ZNF385D: variants seen among roughly 807,000 people sequenced by gnomAD.
ZNF385D encodes zinc finger protein 659.
A neutral mutation model predicts 35.8 loss-of-function variants in ZNF385D; 15 were observed. That is an observed-to-expected ratio of 0.42 (90% confidence interval 0.28 to 0.64). The LOEUF (loss-of-function observed/expected upper bound fraction) is 0.64, where lower values mean the gene tolerates loss of function less well. Among genes scored for constraint, ZNF385D ranks in the 30% least tolerant of loss-of-function variants. The pLI is 0.23. For missense variants in ZNF385D, 474 were observed against 494.6 expected, an observed-to-expected ratio of 0.96 and a Z score of 0.39; for synonymous variants, 212 against 186.8, an observed-to-expected ratio of 1.13 and a Z score of -1.10.
chr3:22,298,537 A>C (rs1702730700), intron 2 of ZNF385D, among the ~76,000 whole-genome samples: 1 of 143,828 alleles, frequency 7.0e-6, no homozygotes, highest in African/African-American at 2.5e-5. Context: ...TATATACATA[A>C]AACATTTATG....
chr3:21,993,993 C>T (rs1695310049), intron 3 of ZNF385D, among the ~76,000 whole-genome samples: 3 of 152,292 alleles, frequency 2.0e-5, no homozygotes, highest in African/African-American at 7.2e-5. Flanking sequence ...TCACCAGTAC[C>T]TAATCTGGAG....
At chr3:22,122,521 T>G (rs1703144255) in intron 3 of ZNF385D, among the ~76,000 whole-genome samples, 1 of 152,186 alleles carries the variant, frequency 6.6e-6, no homozygotes, top group South Asian at 2.1e-4. Context: ...GTCAGAATCT[T>G]TTCTAGGTGC....
At chr3:21,838,061 T>C (rs1306707965) in intron 3 of ZNF385D, among the ~76,000 whole-genome samples, 1 of 152,078 alleles carries the variant, frequency 6.6e-6, no homozygotes, top group East Asian at 1.9e-4. Flanking sequence ...TAGATCTTCA[T>C]AACTGCACAT....
intron 2 of ZNF385D, among the ~76,000 whole-genome samples, chr3:21,574,674 TA>T (rs958168789): frequency 6.6e-6 from 1 of 152,072 alleles, no homozygotes; most frequent in Non-Finnish European, 1.5e-5. Flanking sequence ...TGAGAGGATT[TA>T]GGGGGTAACT....
intron 2 of ZNF385D, among the ~76,000 whole-genome samples, chr3:22,256,602 C>T (rs1344626761): frequency 6.6e-6 from 1 of 151,848 alleles, no homozygotes; most frequent in African/African-American, 2.4e-5. Flanking sequence ...AGTGATAAAT[C>T]ATCGTATCTG....
intron 3 of ZNF385D, among the ~76,000 whole-genome samples, chr3:21,992,760 A>G (rs986280242): frequency 6.6e-6 from 1 of 152,190 alleles, no homozygotes; most frequent in Non-Finnish European, 1.5e-5. Context: ...TGGCTGTTTC[A>G]TAATTGATTT....
intron 3 of ZNF385D, among the ~76,000 whole-genome samples, chr3:21,769,633 A>G (rs1265418651): frequency 8.3e-6 from 1 of 119,992 alleles, no homozygotes; most frequent in African/African-American, 3.5e-5. Flanking sequence ...GATAGGAAGA[A>G]TCAATATCAT....
At chr3:22,210,683 A>C (rs893271728) in intron 2 of ZNF385D, among the ~76,000 whole-genome samples, 1 of 151,928 alleles carries the variant, frequency 6.6e-6, no homozygotes, top group Non-Finnish European at 1.5e-5. Context: ...TTTTCAATAC[A>C]TGAAAGGTTC....
chr3:21,418,344 G>A lies in ZNF385D; in HGVS notation c.*2870C>T, dbSNP rs922952896. The A allele has an allele frequency of 2.0e-5, 3 of 152,128 alleles. No homozygotes were observed. Among genetic ancestry groups the A allele is most frequent in the Non-Finnish European group, 4.4e-5 (3 of 68,012 alleles). The allele number at this position is 152,128 out of a possible 1,614,324, so 9.4% of individuals were successfully genotyped here. A position where few individuals can be genotyped will look rare whatever the true frequency, so the allele number is the denominator to read the frequency against. ...AAAAGATACAGTTTTATGGCAGCCT[G>A]AACTATAATGGATGTTAATCTGGTA... On this transcript the variant is annotated 3_prime_UTR_variant, in exon 8 of 8. Transcript: ENST00000281523.
chr3:21,585,923 C>T (rs2063795761), intron 2 of ZNF385D, among the ~76,000 whole-genome samples: 1 of 152,128 alleles, frequency 6.6e-6, no homozygotes, highest in Non-Finnish European at 1.5e-5. Context: ...AGTCCTAGTA[C>T]TTTGAGAGGG....
intron 3 of ZNF385D, among the ~76,000 whole-genome samples, chr3:21,968,209 G>C (rs1316151462): frequency 1.3e-5 from 2 of 152,140 alleles, no homozygotes; most frequent in African/African-American, 2.4e-5. Context: ...CACGGAGGGA[G>C]CATTTAGACC....
At chr3:22,152,786 G>A (rs904229963) in intron 3 of ZNF385D, among the ~76,000 whole-genome samples, 1 of 152,114 alleles carries the variant, frequency 6.6e-6, no homozygotes, top group African/African-American at 2.4e-5. Flanking sequence ...ATATTCACAG[G>A]TCTCAGGGAT....
chr3:22,267,271 A>T (rs1700945381), intron 2 of ZNF385D, among the ~76,000 whole-genome samples: 1 of 151,912 alleles, frequency 6.6e-6, no homozygotes, highest in Non-Finnish European at 1.5e-5. Context: ...AAACCAATCT[A>T]AAATTTAGGT....
intron 3 of ZNF385D, among the ~76,000 whole-genome samples, chr3:21,809,804 G>A (rs2072829879): frequency 6.6e-6 from 1 of 151,648 alleles, no homozygotes; most frequent in Non-Finnish European, 1.5e-5. Context: ...AAGAAGGCAA[G>A]GAAAGAGAGA....
At position 21,558,504 on chromosome 3, in the gene ZNF385D, A is replaced by G. The variant is rs1448970557; in HGVS notation, c.276+6070T>C. 2.0e-5 allele frequency among the ~76,000 whole-genome samples: 3 copies of G among 152,110 alleles called. No homozygotes were observed. The East Asian group carries it at 5.8e-4, about 29-fold the overall frequency. Reference sequence around the variant, plus strand: ...TAATCCTGACTTCCAATTTAATTGCACTGTGTTCCGAGAGAATGTTATGAT... The same window carrying G: ...TAATCCTGACTTCCAATTTAATTGCGCTGTGTTCCGAGAGAATGTTATGAT... On this transcript the variant is annotated intron_variant, in intron 3 of 7. Coordinates refer to ENST00000281523, the MANE Select transcript of ZNF385D (RefSeq NM_024697.3).
At chr3:21,968,622 A>G (rs1703048112) in intron 3 of ZNF385D, among the ~76,000 whole-genome samples, 1 of 152,160 alleles carries the variant, frequency 6.6e-6, no homozygotes, top group Non-Finnish European at 1.5e-5. Flanking sequence ...TGGGCCAGAA[A>G]GGAACCCACT....
intron 2 of ZNF385D, among the ~76,000 whole-genome samples, chr3:22,187,559 G>T (rs774018777): frequency 2.0e-5 from 3 of 151,834 alleles, no homozygotes; most frequent in Non-Finnish European, 4.4e-5. Context: ...CATTCTTTTT[G>T]TAAGGAGAAT....
At chr3:22,008,452 C>T (rs1338976136) in intron 3 of ZNF385D, among the ~76,000 whole-genome samples, 1 of 151,490 alleles carries the variant, frequency 6.6e-6, no homozygotes, top group Non-Finnish European at 1.5e-5. Flanking sequence ...CCCCGGAGTT[C>T]ACAACATTCT....
At chr3:21,963,296 C>T (rs181534012) in intron 3 of ZNF385D, among the ~76,000 whole-genome samples, 11 of 152,046 alleles carry the variant, frequency 7.2e-5, no homozygotes, top group Non-Finnish European at 1.3e-4. Flanking sequence ...AGGGTGTGTT[C>T]GGAGGTAGGA....
Sources: allele counts gnomAD v4.1 joint callset (sites outside exome capture counted in the v4.1 genomes callset), GRCh38; gene constraint gnomAD v4.1.1; transcripts MANE v1.5; gene names NCBI Gene and HGNC (gene_info 2026-07-23, HGNC 2026-07-21).